CNTNAP2: variants seen among roughly 807,000 people sequenced by gnomAD.
The protein encoded by CNTNAP2 is contactin-associated protein-like 2.
CNTNAP2 carries 98 observed loss-of-function variants against 155.2 expected under a neutral mutation model. The ratio of observed to expected loss-of-function variants is 0.63; its 90% CI spans 0.54 to 0.75. The LOEUF (loss-of-function observed/expected upper bound fraction) is 0.75. Ranked by LOEUF, CNTNAP2 falls within the 30% of genes least tolerant of loss-of-function variation. The probability of loss-of-function intolerance (pLI) is 0.00; values close to 1 mark genes in which losing one functional copy is unlikely to be tolerated. For missense variants in CNTNAP2, 1,727 were observed against 1,688.1 expected (o/e 1.02, Z -0.40); for synonymous variants, 651 against 631.2 (o/e 1.03, Z -0.47).
At chr7:147,070,566 A>G (rs1799871158) in intron 4 of CNTNAP2, among the ~76,000 whole-genome samples, 1 of 152,182 alleles carries the variant, frequency 6.6e-6, no homozygotes, top group Non-Finnish European at 1.5e-5. Flanking sequence ...AGATTACCCA[A>G]TGCTAGGATT....
chr7:148,397,092 G>A (rs1286750897), intron 22 of CNTNAP2, among the ~76,000 whole-genome samples: 3 of 152,196 alleles, frequency 2.0e-5, no homozygotes, highest in African/African-American at 7.2e-5. Context: ...ATCCTGGAAT[G>A]GCCACATGTG....
chr7:146,820,004 A>G (rs1803245949), intron 2 of CNTNAP2, among the ~76,000 whole-genome samples: 3 of 152,188 alleles, frequency 2.0e-5, no homozygotes, highest in African/African-American at 4.8e-5. Flanking sequence ...TAGCAGTTAT[A>G]GTGGTATTTT....
chr7:146,626,073 A>C (rs996719433), intron 1 of CNTNAP2, among the ~76,000 whole-genome samples: 3 of 152,102 alleles, frequency 2.0e-5, no homozygotes, highest in Non-Finnish European at 2.9e-5. Context: ...CAGAGCTTCA[A>C]ACTTGTGATA....
intron 3 of CNTNAP2, among the ~76,000 whole-genome samples, chr7:146,889,621 TGAATC>T (rs1239394755): frequency 8.5e-5 from 13 of 152,300 alleles, no homozygotes; most frequent in Non-Finnish European, 1.6e-4. Context: ...GTTTTTTAGT[TGAATC>T]GAAACCACTG....
chr7:147,900,760 GCGCC>G (rs1452404450), intron 13 of CNTNAP2, among the ~76,000 whole-genome samples: 2 of 152,118 alleles, frequency 1.3e-5, no homozygotes, highest in Non-Finnish European at 2.9e-5. Context: ...GGGACTAGAG[GCGCC>G]TGCCACTGTG....
chr7:148,197,219 C>T (rs1296030357), intron 18 of CNTNAP2, among the ~76,000 whole-genome samples: 1 of 152,090 alleles, frequency 6.6e-6, no homozygotes, highest in African/African-American at 2.4e-5. Flanking sequence ...TATGTTTTTA[C>T]ATAATTTAGA....
intron 1 of CNTNAP2, among the ~76,000 whole-genome samples, chr7:146,767,021 T>C (rs1802207220): frequency 6.6e-6 from 1 of 152,238 alleles, no homozygotes; most frequent in Admixed American, 6.5e-5. Context: ...AGATAAGTTA[T>C]GTCCAATCAG....
At chr7:146,887,142 T>G (rs1425861220) in intron 3 of CNTNAP2, among the ~76,000 whole-genome samples, 1 of 151,982 alleles carries the variant, frequency 6.6e-6, no homozygotes, top group African/African-American at 2.4e-5. Flanking sequence ...TCTACATAGT[T>G]TTTTTGTTTG....
At chr7:148,289,002 T>C (rs1054764042) in intron 21 of CNTNAP2, among the ~76,000 whole-genome samples, 3 of 150,006 alleles carry the variant, frequency 2.0e-5, no homozygotes, top group Admixed American at 1.3e-4. Context: ...ATTGAATTTT[T>C]GAATACACAA....
chr7:147,239,980 T>C (rs1803901573), intron 8 of CNTNAP2, among the ~76,000 whole-genome samples: 1 of 152,196 alleles, frequency 6.6e-6, no homozygotes, highest in Non-Finnish European at 1.5e-5. Context: ...CAGTGAATTA[T>C]GAGATTTTGG....
chr7:147,593,667 T>C (rs966769334), intron 12 of CNTNAP2, among the ~76,000 whole-genome samples: 9 of 152,228 alleles, frequency 5.9e-5, no homozygotes, highest in Admixed American at 3.3e-4. Flanking sequence ...AGTTGGCTAC[T>C]ACTATTGTTG....
chr7:147,965,515 C>T (rs1050235212), intron 14 of CNTNAP2, among the ~76,000 whole-genome samples: 6 of 151,646 alleles, frequency 4.0e-5, no homozygotes, highest in South Asian at 2.1e-4. Flanking sequence ...TCCCGTCCAC[C>T]GATGATCTCC....
intron 13 of CNTNAP2, among the ~76,000 whole-genome samples, chr7:147,774,348 A>G (rs567952272): frequency 1.3e-5 from 2 of 152,316 alleles, no homozygotes; most frequent in East Asian, 1.9e-4. Flanking sequence ...TCCATGGAGA[A>G]GAATTTGCTT....
intron 13 of CNTNAP2, among the ~76,000 whole-genome samples, chr7:147,802,794 GGGGAGAGGGAGA>G (rs962315365): frequency 4.3e-4 from 45 of 104,962 alleles, no homozygotes; most frequent in African/African-American, 1.0e-3. Context: ...GGAGGGGGAG[GGGGAGAGGGAGA>G]GGGAGAGGGA....
At chr7:146,518,939 C>G (rs1258505340) in intron 1 of CNTNAP2, among the ~76,000 whole-genome samples, 1 of 151,888 alleles carries the variant, frequency 6.6e-6, no homozygotes, top group East Asian at 1.9e-4. Context: ...GAATGACTTT[C>G]TTTAACTTCG....
At chr7:146,650,454 A>G (rs1226662178) in intron 1 of CNTNAP2, among the ~76,000 whole-genome samples, 1 of 152,062 alleles carries the variant, frequency 6.6e-6, no homozygotes, top group African/African-American at 2.4e-5. Flanking sequence ...CAGAAAACCA[A>G]ACACCACATG....
chr7:146,294,039 A>G (rs7810054), intron 1 of CNTNAP2, among the ~76,000 whole-genome samples: 7,773 of 152,186 alleles, frequency 0.051, 418 homozygotes, highest in African/African-American at 0.14. Context: ...GAGTGAAAAA[A>G]TCAACCCCAT....
chr7:146,966,969 A>G (rs1797670206), intron 3 of CNTNAP2, among the ~76,000 whole-genome samples: 1 of 152,200 alleles, frequency 6.6e-6, no homozygotes, highest in African/African-American at 2.4e-5. Context: ...AGGCAGCCAA[A>G]AGGAAGTGAA....
chr7:146,926,400 A>G (rs1474645469), intron 3 of CNTNAP2, among the ~76,000 whole-genome samples: 2 of 152,118 alleles, frequency 1.3e-5, no homozygotes, highest in Admixed American at 1.3e-4. Context: ...ATATTTGTTT[A>G]TAATTCCAAC....
Sources: gnomAD v4.1 joint callset for allele counts (sites outside exome capture counted in the v4.1 genomes callset) on GRCh38, gnomAD v4.1.1 for gene constraint, MANE v1.5 for transcripts, NCBI Gene and HGNC (gene_info 2026-07-23, HGNC 2026-07-21) for gene names.